NECAB1: variants seen among roughly 807,000 people sequenced by gnomAD.
NECAB1 encodes the protein N-terminal EF-hand calcium binding protein 1, also known as N-terminal EF-hand calcium-binding protein 1.
A neutral mutation model predicts 57.5 loss-of-function variants in NECAB1; 29 were observed. That is an observed-to-expected ratio of 0.50 (90% CI 0.38 to 0.69). The LOEUF is 0.69. Among genes scored for constraint, NECAB1 ranks in the 30% least tolerant of loss-of-function variants. The probability of loss-of-function intolerance (pLI) is 0.00; values close to 1 mark genes in which losing one functional copy is unlikely to be tolerated. For missense variants in NECAB1, 372 were observed against 413.8 expected (o/e 0.90, Z 0.88); for synonymous variants, 142 against 147.7 (o/e 0.96, Z 0.28).
intron 12 of NECAB1, among the ~76,000 whole-genome samples, chr8:90,955,023 A>G (rs1810999662): frequency 6.8e-6 from 1 of 146,098 alleles, no homozygotes; most frequent in Non-Finnish European, 1.5e-5. Flanking sequence ...ATATGTATAT[A>G]CATATATAAA....
chr8:90,939,506 C>T (rs1036672541), intron 9 of NECAB1, among the ~76,000 whole-genome samples: 14 of 152,222 alleles, frequency 9.2e-5, no homozygotes, highest in Non-Finnish European at 7.4e-5. Context: ...CACTTGATCA[C>T]GTAAGAATTG....
chr8:90,829,236 A>G (rs1812268104), intron 3 of NECAB1, among the ~76,000 whole-genome samples: 2 of 152,100 alleles, frequency 1.3e-5, no homozygotes, highest in South Asian at 2.1e-4. Context: ...TAGCTTACAA[A>G]TTGGAACCAT....
At chr8:90,933,383 A>C (rs868048837) in intron 8 of NECAB1, among the ~76,000 whole-genome samples, 3 of 152,214 alleles carry the variant, frequency 2.0e-5, no homozygotes, top group Admixed American at 6.5e-5. Flanking sequence ...GTACGATGGA[A>C]TACTACTCAG....
chr8:90,895,586 C>T (rs1809307774), intron 5 of NECAB1, among the ~76,000 whole-genome samples: 1 of 152,174 alleles, frequency 6.6e-6, no homozygotes, highest in Admixed American at 6.5e-5. Flanking sequence ...AATATAATAA[C>T]AGCATTTTCT....
At chr8:90,797,919 A>G (rs1362613385) in intron 1 of NECAB1, among the ~76,000 whole-genome samples, 2 of 152,180 alleles carry the variant, frequency 1.3e-5, no homozygotes, top group Non-Finnish European at 2.9e-5. Flanking sequence ...TTTCCAGGTT[A>G]TATATTGTAT....
chr8:90,858,535 A>T (rs901272952), intron 3 of NECAB1, among the ~76,000 whole-genome samples: 1 of 152,110 alleles, frequency 6.6e-6, no homozygotes, highest in African/African-American at 2.4e-5. Context: ...GAAAGAGAGT[A>T]TATCCATGAA....
intron 3 of NECAB1, among the ~76,000 whole-genome samples, chr8:90,850,588 A>G (rs1313042783): frequency 7.2e-6 from 1 of 139,128 alleles, no homozygotes; most frequent in Non-Finnish European, 1.5e-5. Context: ...TGATACAAGA[A>G]CACCATGCAA....
At chr8:90,869,900 T>C (rs1031381283) in intron 3 of NECAB1, among the ~76,000 whole-genome samples, 1 of 152,108 alleles carries the variant, frequency 6.6e-6, no homozygotes, top group Non-Finnish European at 1.5e-5. Flanking sequence ...TGGTTTGGCT[T>C]TCTGTCTCCA....
Position 90,959,083 on chromosome 8 carries a change from CTAAT to C in NECAB1, c.*3574_*3577del. 2.3e-6 allele frequency: 2 copies of C among 856,926 alleles called. No individual in the cohort carries two copies. The highest frequency in any genetic ancestry group is 3.5e-6 in the Non-Finnish European group (2 of 568,304). 53.1% of individuals were successfully genotyped at this position (856,926 alleles called of 1,614,324 possible). ...ATCAATTGATTGAATACAGTTTTTA[CTAAT>C]TAGTTTATCAAACCAAATACTGTGA... On this transcript the variant is annotated 3_prime_UTR_variant, in exon 13 of 13. Coordinates refer to ENST00000417640, the MANE Select transcript of NECAB1 (RefSeq NM_022351.5).
intron 8 of NECAB1, among the ~76,000 whole-genome samples, chr8:90,931,943 C>G (rs1356606100): frequency 1.3e-5 from 2 of 150,618 alleles, no homozygotes; most frequent in African/African-American, 4.9e-5. Context: ...AAATAAAAAA[C>G]AAAAAAAAAC....
intron 4 of NECAB1, among the ~76,000 whole-genome samples, chr8:90,873,866 A>G (rs1808664437): frequency 7.1e-6 from 1 of 141,150 alleles, no homozygotes; most frequent in Admixed American, 7.1e-5. Flanking sequence ...TTTTAAAAAT[A>G]TGCCTTTTTT....
chr8:90,907,149 T>TGAGAGAGAGAGAGAGA (rs1178039932), intron 5 of NECAB1, among the ~76,000 whole-genome samples: 2 of 107,222 alleles, frequency 1.9e-5, no homozygotes, highest in African/African-American at 4.2e-5. Flanking sequence ...TGTGTGTGTG[T>TGAGAGAGAGAGAGAGA]GTGAGAGAGA....
intron 3 of NECAB1, among the ~76,000 whole-genome samples, chr8:90,834,715 T>C (rs1017324936): frequency 1.3e-5 from 2 of 152,156 alleles, no homozygotes; most frequent in Non-Finnish European, 2.9e-5. Flanking sequence ...GTTGAAAATA[T>C]AGAAAATTAG....
chr8:90,944,358 G>A (rs1434653486), intron 10 of NECAB1, among the ~76,000 whole-genome samples: 6 of 152,196 alleles, frequency 3.9e-5, no homozygotes, highest in Non-Finnish European at 7.3e-5. Context: ...GGGAGTTACA[G>A]AGGTTTTGTT....
At chr8:90,836,599 A>G (rs987335807) in intron 3 of NECAB1, among the ~76,000 whole-genome samples, 4 of 152,184 alleles carry the variant, frequency 2.6e-5, no homozygotes, top group Admixed American at 6.6e-5. Context: ...TGTCAGATTA[A>G]AATAAATTTT....
At chr8:90,798,143 C>A (rs1254758933) in intron 1 of NECAB1, among the ~76,000 whole-genome samples, 2 of 152,204 alleles carry the variant, frequency 1.3e-5, no homozygotes, top group South Asian at 2.1e-4. Flanking sequence ...CAATACCTGA[C>A]TCTTTGATCA....
At position 90,801,706 on chromosome 8, in the gene NECAB1, G is replaced by A. The variant is rs1422398178; in HGVS notation, c.115G>A (p.Asp39Asn). ...SIFLDILRRA[D>N]KNDDGKLSFE... ...TCCTTTCCAGATACTGAGGAGAGCA[G>A]ACAAAAATGGTAAGACCAAAAATCT... is the stretch of plus-strand genomic sequence containing the variant. The change falls in exon 2 of 13, where the codon GAC becomes AAC. Residue 39 changes from aspartate to asparagine, a missense_variant. Physicochemically the swap from Asp to Asn is conservative, Grantham distance 23 (BLOSUM62 1). Transcript: ENST00000417640. 1 of 1,525,318 alleles carries A rather than the reference G, an allele frequency of 6.6e-7. No individual in the cohort carries two copies. Among genetic ancestry groups the A allele is most frequent in the Non-Finnish European group, 8.8e-7 (1 of 1,131,506 alleles). 94.5% of individuals were successfully genotyped at this position (1,525,318 alleles called of 1,614,324 possible). A position where few individuals can be genotyped will look rare whatever the true frequency, so the allele number is the denominator to read the frequency against.
intron 4 of NECAB1, among the ~76,000 whole-genome samples, chr8:90,876,374 C>T (rs1351187651): frequency 6.6e-6 from 1 of 152,060 alleles, no homozygotes; most frequent in Non-Finnish European, 1.5e-5. Flanking sequence ...GGTTTTAACA[C>T]TCTCTCTCAT....
chr8:90,868,064 A>C (rs1227311499), intron 3 of NECAB1, among the ~76,000 whole-genome samples: 1 of 141,340 alleles, frequency 7.1e-6, no homozygotes, highest in Non-Finnish European at 1.5e-5. Flanking sequence ...ATTGTGTAGC[A>C]CTTCCCCCTT....
Sources: allele counts gnomAD v4.1 joint callset (sites outside exome capture counted in the v4.1 genomes callset), GRCh38; gene constraint gnomAD v4.1.1; transcripts MANE v1.5; gene names NCBI Gene and HGNC (gene_info 2026-07-23, HGNC 2026-07-21).